ZBP1: variants seen among roughly 807,000 people sequenced by gnomAD.
ZBP1 encodes Z-DNA binding protein 1, also known as Z-DNA-binding protein 1.
Under a neutral mutation model 41.1 loss-of-function variants are expected in ZBP1, and 42 were observed. The ratio of observed to expected loss-of-function variants is 1.02; its 90% CI spans 0.80 to 1.32. The LOEUF is 1.32. ZBP1 is among the 40% of genes most tolerant of loss of function. ZBP1 has a pLI of 0.00. For synonymous variants in ZBP1, 214 were observed against 205.2 expected, an observed-to-expected ratio of 1.04 and a Z score of -0.37; for missense variants, 562 against 549.7, an observed-to-expected ratio of 1.02 and a Z score of -0.22.
intron 7 of ZBP1, among the ~76,000 whole-genome samples, chr20:57,608,785 G>A (rs977322302): frequency 1.6e-4 from 24 of 152,222 alleles, no homozygotes; most frequent in African/African-American, 5.3e-4. Flanking sequence ...GCAAGGACAC[G>A]GCCCTTGGGG....
Position 57,606,199 on chromosome 20 carries a change from A to T in ZBP1, c.1094-1430T>A, listed in dbSNP as rs1216387709. ...GAGAAAGTGAACCAGCCTTGTGGCT[A>T]GTGTGGAGAAAGTTTTAGTGGTCTG... is the stretch of plus-strand genomic sequence containing the variant. On this transcript the variant is annotated intron_variant, in intron 7 of 7. Transcript: ENST00000371173. Among the ~76,000 whole-genome samples the T allele has an allele frequency of 9.8e-5, 15 of 152,386 alleles. No individual in the cohort carries two copies. The East Asian group carries it at 2.9e-3, about 29-fold the overall frequency.
chr20:57,611,472 G>T (rs1214824395), intron 6 of ZBP1, among the ~76,000 whole-genome samples: 1 of 132,644 alleles, frequency 7.5e-6, no homozygotes, highest in African/African-American at 2.9e-5. Flanking sequence ...GGTCAGGCTG[G>T]TCTCGAACTC....
chr20:57,620,106 G>C, intron 1 of ZBP1, 156 bp downstream of exon 1: 1 of 866,522 alleles, frequency 1.2e-6, no homozygotes, highest in Non-Finnish European at 1.8e-6. Context: ...AAAGTGCTGG[G>C]ATTACAGGCG....
chr20:57,614,122 C>A (rs1170940570), intron 4 of ZBP1, among the ~76,000 whole-genome samples: 2 of 152,196 alleles, frequency 1.3e-5, no homozygotes, highest in Non-Finnish European at 2.9e-5. Flanking sequence ...GCAACCTCTG[C>A]CTCCTAGGTT....
intron 6 of ZBP1, 59 bp downstream of exon 6, chr20:57,611,668 C>G: frequency 2.6e-6 from 4 of 1,521,108 alleles, no homozygotes; most frequent in Non-Finnish European, 3.6e-6. Context: ...GGCTCCAGTT[C>G]CTTCCAGTGA....
At chr20:57,618,815 G>C (rs2070917098) in intron 1 of ZBP1, among the ~76,000 whole-genome samples, 1 of 152,128 alleles carries the variant, frequency 6.6e-6, no homozygotes, top group South Asian at 2.1e-4. Context: ...TCCTGACCTT[G>C]GGTGATCCCC....
chr20:57,609,360 C>G (rs1395312857), intron 7 of ZBP1, among the ~76,000 whole-genome samples: 1 of 152,180 alleles, frequency 6.6e-6, no homozygotes, highest in African/African-American at 2.4e-5. Context: ...TTCCCCTCTC[C>G]CCTCTTCCTG....
intron 1 of ZBP1, chr20:57,616,732 C>T: frequency 2.0e-6 from 1 of 507,922 alleles, no homozygotes; most frequent in South Asian, 2.1e-5. Context: ...CTGTGCCCTC[C>T]CCGGGTGTGG....
In ZBP1 at chr20:57,610,117, C is replaced by A. The variant is rs1183148475; in HGVS notation, c.1093+32G>T. ...GTGGAAGGTGGGGAGAGAGAGAGAA[C>A]ACACAGGGGTCCACTCTGCCCCCTA... On this transcript the variant is annotated intron_variant, in intron 7 of 7. Coordinates refer to ENST00000371173, the MANE Select transcript of ZBP1 (RefSeq NM_030776.3). The surrounding 1 kb of genome is among the most constrained non-coding windows in gnomAD (Gnocchi z 5.5). 1 of 1,585,288 alleles carries A rather than the reference C, an allele frequency of 6.3e-7. No homozygotes were observed. The highest frequency in any genetic ancestry group is 8.7e-7 in the Non-Finnish European group (1 of 1,155,970).
chr20:57,611,987 C>T, intron 5 of ZBP1, 57 bp from the exon 6 acceptor site: 1 of 1,515,796 alleles, frequency 6.6e-7, no homozygotes, highest in Non-Finnish European at 8.9e-7. Flanking sequence ...TCTTCCTTTC[C>T]CTCACCACCA....
intron 7 of ZBP1, among the ~76,000 whole-genome samples, chr20:57,609,442 A>AC (rs1490094152): frequency 4.6e-5 from 7 of 151,318 alleles, no homozygotes; most frequent in South Asian, 2.1e-4. Flanking sequence ...CACTTCCCAG[A>AC]CCCCCCGTGG....
At position 57,613,141 on chromosome 20, in the gene ZBP1, T is replaced by C. The variant is rs2146579170; in HGVS notation, c.670+22A>G. 1 of 1,606,196 alleles carries C rather than the reference T, an allele frequency of 6.2e-7. No homozygotes were observed. The highest frequency in any genetic ancestry group is 8.5e-7 in the Non-Finnish European group (1 of 1,175,094). ...TGGCTCCCCACCGAGGTCCCCTCCC[T>C]GGGCTCTCTTGGGTGACTTACCGTC... On this transcript the variant is annotated intron_variant, in intron 5 of 7. Transcript: ENST00000371173. The surrounding 1 kb of genome is among the most constrained non-coding windows in gnomAD (Gnocchi z 4.5).
chr20:57,619,796 AGTCAGCT>A (rs150006624), intron 1 of ZBP1, among the ~76,000 whole-genome samples: 1 of 152,064 alleles, frequency 6.6e-6, no homozygotes, highest in African/African-American at 2.4e-5. Flanking sequence ...CCTGGGGCAC[AGTCAGCT>A]GTCAAAGGGG....
At chr20:57,611,526 C>T (rs2070671332) in intron 6 of ZBP1, among the ~76,000 whole-genome samples, 1 of 147,628 alleles carries the variant, frequency 6.8e-6, no homozygotes, top group African/African-American at 2.5e-5. Context: ...CAAAGTGCTA[C>T]GATTACAGGT....
intron 7 of ZBP1, 129 bp from the exon 8 acceptor site, chr20:57,604,898 A>G: frequency 1.1e-6 from 1 of 892,152 alleles, no homozygotes; most frequent in South Asian, 1.7e-5. Flanking sequence ...ATTTGTACAA[A>G]GTCTTGAACA....
rs80050451 is a variant in ZBP1 at position 57,604,355 on chromosome 20, C to A, written c.*218G>T. On this transcript the variant is annotated 3_prime_UTR_variant, in exon 8 of 8. Coordinates refer to ENST00000371173, the MANE Select transcript of ZBP1 (RefSeq NM_030776.3). ...ACCTCCTCTTGGCACACCAAAGGTTCCCCAAGGCAACTCCCTGTCATCTAC... is the reference window on the plus strand; with the variant it reads ...ACCTCCTCTTGGCACACCAAAGGTTACCCAAGGCAACTCCCTGTCATCTAC... The A allele has an allele frequency of 5.9e-3, 4,050 of 685,862 alleles. 80 individuals carry two copies. The highest frequency in any genetic ancestry group is 0.046 in the African/African-American group (2,603 of 56,912). The allele number at this position is 685,862 out of a possible 1,614,324, so 42.5% of individuals were successfully genotyped here.
In ZBP1 at chr20:57,610,440, T is replaced by A; in HGVS notation, c.875-73A>T. 1 of 1,518,786 alleles carries A rather than the reference T, an allele frequency of 6.6e-7. No homozygotes were observed. The highest frequency in any genetic ancestry group is 9.1e-7 in the Non-Finnish European group (1 of 1,099,776). 94.1% of individuals were successfully genotyped at this position (1,518,786 alleles called of 1,614,324 possible). A position where few individuals can be genotyped will look rare whatever the true frequency, so the allele number is the denominator to read the frequency against. ...TGGCCGGGAACCCTGACCCCCAGCCTGGTTCACCCTCCTCCCCAGATCTCC... is the reference window on the plus strand; with the variant it reads ...TGGCCGGGAACCCTGACCCCCAGCCAGGTTCACCCTCCTCCCCAGATCTCC... On this transcript the variant is annotated intron_variant, in intron 6 of 7. Coordinates refer to ENST00000371173, the MANE Select transcript of ZBP1 (RefSeq NM_030776.3). This position sits in a 1 kb window ranked among gnomAD's most constrained non-coding sequence, Gnocchi z 5.5.
Position 57,610,503 on chromosome 20 carries a change from G to A in ZBP1, c.875-136C>T. 2 of 813,742 alleles carry A rather than the reference G, an allele frequency of 2.5e-6. No individual in the cohort carries two copies. 50.4% of individuals were successfully genotyped at this position (813,742 alleles called of 1,614,324 possible). On this transcript the variant is annotated intron_variant, in intron 6 of 7. Coordinates refer to ENST00000371173, the MANE Select transcript of ZBP1 (RefSeq NM_030776.3). The surrounding 1 kb of genome is among the most constrained non-coding windows in gnomAD (Gnocchi z 5.5). Reference sequence around the variant, plus strand: ...ACACCATCCCAGGAGCACAGCCTGTGCCTGCCCGCCACACCTCCACCCGCC... The same window carrying A: ...ACACCATCCCAGGAGCACAGCCTGTACCTGCCCGCCACACCTCCACCCGCC...
chr20:57,611,266 A>C (rs1450619371), intron 6 of ZBP1, among the ~76,000 whole-genome samples: 1 of 152,054 alleles, frequency 6.6e-6, no homozygotes, highest in African/African-American at 2.4e-5. Flanking sequence ...ATTTATTGAG[A>C]TGGAGTCTCA....
Sources: gnomAD v4.1 joint callset for allele counts (sites outside exome capture counted in the v4.1 genomes callset) on GRCh38, gnomAD v4.1.1 for gene constraint, Gnocchi (gnomAD v3.1) non-coding constraint, MANE v1.5 for transcripts, NCBI Gene and HGNC (gene_info 2026-07-23, HGNC 2026-07-21) for gene names.